The following RBSN variants were observed in gnomAD, a reference collection of about 807,000 sequenced individuals.
RBSN encodes rabenosyn-5.
RBSN carries 34 observed loss-of-function variants against 60.5 expected under a neutral mutation model. The observed-to-expected ratio is 0.56, with a 90% confidence interval of 0.43 to 0.75. The LOEUF is 0.75. Ranked by LOEUF, RBSN falls within the 30% of genes least tolerant of loss-of-function variation. The probability of loss-of-function intolerance (pLI) is 0.00; values close to 1 mark genes in which losing one functional copy is unlikely to be tolerated. For synonymous variants in RBSN, 322 were observed against 366.9 expected, an observed-to-expected ratio of 0.88 and a Z score of 1.40; for missense variants, 845 against 986.8, an observed-to-expected ratio of 0.86 and a Z score of 1.92.
At chr3:15,090,303 T>C in intron 5 of RBSN, 96 bp downstream of exon 5, 1 of 1,373,528 alleles carries the variant, frequency 7.3e-7, no homozygotes, top group Non-Finnish European at 1.0e-6. Flanking sequence ...ACCATTATGG[T>C]TTACTGATGC....
rs1023561178 is a variant in RBSN, at chr3:15,086,073, C to T, written c.290-112G>A. Reference sequence around the variant, plus strand: ...TTCAAAAGCAGGTTGGTCAACATAGCGAGACCCCGTCTCTCTCCAAAAAAA... The same window carrying T: ...TTCAAAAGCAGGTTGGTCAACATAGTGAGACCCCGTCTCTCTCCAAAAAAA... On this transcript the variant is annotated intron_variant, in intron 5 of 13. Transcript: ENST00000253699. 1.9e-4 allele frequency: 77 copies of T among 400,622 alleles called. No homozygotes were observed. The East Asian group carries it at 2.7e-3, about 14-fold the overall frequency. 24.8% of individuals were successfully genotyped at this position (400,622 alleles called of 1,614,324 possible).
In RBSN at chr3:15,096,682, A is replaced by G. The variant is rs2043667195; in HGVS notation, c.-316T>C. ...ACCTTGATTGTTTATTCAACCACATATAGTAAGTTCTTGATACTTGTAAGA... is the reference window on the plus strand; with the variant it reads ...ACCTTGATTGTTTATTCAACCACATGTAGTAAGTTCTTGATACTTGTAAGA... On this transcript the variant is annotated 5_prime_UTR_variant, in exon 3 of 14. Coordinates refer to ENST00000253699, the MANE Select transcript of RBSN (RefSeq NM_022340.4). 6.6e-6 allele frequency: 1 copy of G among 152,226 alleles called. No homozygotes were observed. The highest frequency in any genetic ancestry group is 1.5e-5 in the Non-Finnish European group (1 of 68,056). The allele number at this position is 152,226 out of a possible 1,614,324, so 9.4% of individuals were successfully genotyped here.
At position 15,077,288 on chromosome 3, in the gene RBSN, C is replaced by A; in HGVS notation, c.999-124G>T. ...AAGGTGTGTAAAGATGGACAAGTGA[C>A]TCCATTGAAGTTTCTTTGAAGGCAA... On this transcript the variant is annotated intron_variant, in intron 11 of 13. Coordinates refer to ENST00000253699, the MANE Select transcript of RBSN (RefSeq NM_022340.4). The surrounding 1 kb of genome is among the most constrained non-coding windows in gnomAD (Gnocchi z 4.4). 1 of 806,482 alleles carries A rather than the reference C, an allele frequency of 1.2e-6. No homozygotes were observed. Among genetic ancestry groups the A allele is most frequent in the Non-Finnish European group, 2.1e-6 (1 of 485,318 alleles). The allele number at this position is 806,482 out of a possible 1,614,324, so 50.0% of individuals were successfully genotyped here.
chr3:15,074,390 T>C lies in RBSN; in HGVS notation c.1747A>G (p.Ser583Gly). 6.2e-7 allele frequency: 1 copy of C among 1,614,146 alleles called. No individual in the cohort carries two copies. The highest frequency in any genetic ancestry group is 1.1e-5 in the South Asian group (1 of 91,082). ...LDLGSSPVPS[S>G]TAPKTPSLSS... Reference sequence around the variant, plus strand: ...AGTGAAGGGGTCTTGGGAGCTGTGCTGCTTGGAACTGGGGAAGAGCCTAGA... The same window carrying C: ...AGTGAAGGGGTCTTGGGAGCTGTGCCGCTTGGAACTGGGGAAGAGCCTAGA... The change falls in exon 14 of 14, where the codon AGC becomes GGC. Residue 583 changes from serine (S) to glycine (G), a missense_variant. Transcript: ENST00000253699. This position sits in a 1 kb window ranked among gnomAD's most constrained non-coding sequence, Gnocchi z 6.4.
At chr3:15,095,849 A>T in intron 4 of RBSN, 124 bp downstream of exon 4, 1 of 1,267,920 alleles carries the variant, frequency 7.9e-7, no homozygotes. Flanking sequence ...CATGACAAAC[A>T]CTAGTCATCT....
At chr3:15,086,376 C>T (rs1202523878) in intron 5 of RBSN, among the ~76,000 whole-genome samples, 2 of 152,108 alleles carry the variant, frequency 1.3e-5, no homozygotes, top group Non-Finnish European at 2.9e-5. Flanking sequence ...AATTGTTAAC[C>T]GCCTTTGGAG....
At chr3:15,080,996 G>A in intron 9 of RBSN, 194 bp from the exon 10 acceptor site, 1 of 571,720 alleles carries the variant, frequency 1.7e-6, no homozygotes, top group South Asian at 2.3e-5. Flanking sequence ...AGTGAGAATG[G>A]AGCTTCTGAT....
In RBSN at chr3:15,084,924, G is replaced by A; in HGVS notation, c.437-28C>T. The A allele has an allele frequency of 6.2e-7, 1 of 1,613,064 alleles. No individual in the cohort carries two copies. The highest frequency in any genetic ancestry group is 8.5e-7 in the Non-Finnish European group (1 of 1,179,342). On this transcript the variant is annotated intron_variant, in intron 7 of 13. Coordinates refer to ENST00000253699, the MANE Select transcript of RBSN (RefSeq NM_022340.4). The surrounding 1 kb of genome is among the most constrained non-coding windows in gnomAD (Gnocchi z 4.2). ...TTGGGAAGAGCAAACCAACAAGAAA[G>A]CAGGCCATTTTAAAGAGAGCTTTGG...
In RBSN at chr3:15,082,369, C is replaced by G. The variant is rs367971019; in HGVS notation, c.838G>C (p.Glu280Gln). Reference sequence around the variant, plus strand: ...CAAGACCAGACAGCGCGAATCACCTCGTAGAGCTTCACGATGTCAGGTGTG... The same window carrying G: ...CAAGACCAGACAGCGCGAATCACCTGGTAGAGCTTCACGATGTCAGGTGTG... ...EHTPDIVKLYEKLRLCMEKVD... is the reference protein window; with the variant it reads ...EHTPDIVKLYQKLRLCMEKVD... The change falls in exon 9 of 14, where the codon GAG becomes CAG. Residue 280 changes from glutamate to glutamine, a missense_variant and splice_region_variant. Coordinates refer to ENST00000253699, the MANE Select transcript of RBSN (RefSeq NM_022340.4). This position sits in a 1 kb window ranked among gnomAD's most constrained non-coding sequence, Gnocchi z 4.2. The G allele has an allele frequency of 2.9e-5, 46 of 1,611,986 alleles. No homozygotes were observed. The highest frequency in any genetic ancestry group is 3.7e-5 in the Non-Finnish European group (44 of 1,178,242).
chr3:15,097,440 A>T (rs1230726747), intron 2 of RBSN, among the ~76,000 whole-genome samples: 1 of 152,198 alleles, frequency 6.6e-6, no homozygotes, highest in African/African-American at 2.4e-5. Flanking sequence ...GCTTGAACCC[A>T]GGAGGCGGAA....
chr3:15,075,028 T>A (rs1198912766), intron 13 of RBSN, 98 bp from the exon 14 acceptor site: 34 of 1,381,498 alleles, frequency 2.5e-5, no homozygotes, highest in Non-Finnish European at 3.1e-5. Flanking sequence ...CCTGTGCCAG[T>A]GACACTCCAA....
In RBSN at chr3:15,074,908, C is replaced by T; in HGVS notation, c.1229G>A (p.Arg410Lys). The change falls in exon 14 of 14, where the codon AGG (arginine) becomes AAG (lysine). Residue 410 changes from arginine to lysine, a missense_variant. Arg to Lys is a conservative substitution (Grantham distance 26). Coordinates refer to ENST00000253699, the MANE Select transcript of RBSN (RefSeq NM_022340.4). The surrounding 1 kb of genome is among the most constrained non-coding windows in gnomAD (Gnocchi z 6.4). ...ERQAALESQR[R>K]LEERQSGLAS... ...CAGGCCACTCTGCCTTTCCTCAAGCCTTCGCTGGGACTCCAGGGCAGCCTG... is the reference window on the plus strand; with the variant it reads ...CAGGCCACTCTGCCTTTCCTCAAGCTTTCGCTGGGACTCCAGGGCAGCCTG... The T allele has an allele frequency of 1.9e-6, 3 of 1,611,764 alleles. No individual in the cohort carries two copies. The highest frequency in any genetic ancestry group is 2.5e-6 in the Non-Finnish European group (3 of 1,179,140).
intron 4 of RBSN, among the ~76,000 whole-genome samples, chr3:15,094,425 C>T (rs963601304): frequency 6.6e-6 from 1 of 152,246 alleles, no homozygotes; most frequent in Non-Finnish European, 1.5e-5. Context: ...AGAAGACCTA[C>T]GTTCCAGGCC....
In RBSN at chr3:15,082,615, C is replaced by A. The variant is rs368195962; in HGVS notation, c.599-7G>T. 28 of 1,613,254 alleles carry A rather than the reference C, an allele frequency of 1.7e-5. No homozygotes were observed. In the South Asian group the frequency reaches 3.1e-4, roughly 18 times the overall value. On this transcript the variant is annotated splice_region_variant and splice_polypyrimidine_tract_variant and intron_variant, in intron 8 of 13. Transcript: ENST00000253699. The surrounding 1 kb of genome is among the most constrained non-coding windows in gnomAD (Gnocchi z 4.2). ...CTGGCACTGGTGAGCTTGTCTGTAACCACAACACCAACAGGCAGCAATGAC... is the reference window on the plus strand; with the variant it reads ...CTGGCACTGGTGAGCTTGTCTGTAAACACAACACCAACAGGCAGCAATGAC...
chr3:15,078,779 C>CATAT (rs57572763), intron 10 of RBSN, among the ~76,000 whole-genome samples: 594 of 50,466 alleles, frequency 0.012, 14 homozygotes, highest in Non-Finnish European at 0.013. Context: ...AAAAAAAATA[C>CATAT]ATATATATAT....
chr3:15,078,823 T>TATACAC (rs1553591628), intron 10 of RBSN, among the ~76,000 whole-genome samples: 1 of 109,260 alleles, frequency 9.2e-6, no homozygotes, highest in African/African-American at 3.3e-5. Flanking sequence ...TATATATATA[T>TATACAC]ACATGGTTTT....
chr3:15,084,010 C>T lies in RBSN; in HGVS notation c.598+725G>A, dbSNP rs9856001. Among the ~76,000 whole-genome samples the T allele has an allele frequency of 0.053, 8,049 of 152,288 alleles. 253 individuals carry two copies. Among genetic ancestry groups the T allele is most frequent in the East Asian group, 0.13 (654 of 5,180 alleles). ...GGAAGAATGGACAATGCCTTATAGGCTTATAGGCCAGAAATGGGCAAAAAA... is the reference window on the plus strand; with the variant it reads ...GGAAGAATGGACAATGCCTTATAGGTTTATAGGCCAGAAATGGGCAAAAAA... On this transcript the variant is annotated intron_variant, in intron 8 of 13. Transcript: ENST00000253699. This position sits in a 1 kb window ranked among gnomAD's most constrained non-coding sequence, Gnocchi z 4.2.
In RBSN at chr3:15,073,799, T is replaced by C. The variant is rs2042975333; in HGVS notation, c.2338A>G (p.Lys780Glu). The C allele has an allele frequency of 6.2e-7, 1 of 1,603,988 alleles. No homozygotes were observed. Among genetic ancestry groups the C allele is most frequent in the African/African-American group, 1.3e-5 (1 of 74,844 alleles). ...ACTGCTGGTCAGTCAGTGCCCCCCT[T>C]CTGCTTGGCCAGGGTGTGCTTCAGC... is the stretch of plus-strand genomic sequence containing the variant. ...RELKHTLAKQ[K>E]GGTD Residue 780 changes from lysine to glutamate, a missense_variant, in exon 14 of 14, where the codon AAG becomes GAG. Transcript: ENST00000253699.
intron 12 of RBSN, 108 bp downstream of exon 12, chr3:15,076,954 A>G: frequency 1.2e-6 from 1 of 848,346 alleles, no homozygotes; most frequent in Non-Finnish European, 1.9e-6. Flanking sequence ...AAAATAATAA[A>G]TGTATAAATA....
Sources: gnomAD v4.1 joint callset for allele counts (sites outside exome capture counted in the v4.1 genomes callset) on GRCh38, gnomAD v4.1.1 for gene constraint, Gnocchi (gnomAD v3.1) non-coding constraint, MANE v1.5 for transcripts, NCBI Gene and HGNC (gene_info 2026-07-23, HGNC 2026-07-21) for gene names.